Variants in TMPRSS15 observed in about 807,000 individuals in gnomAD.
TMPRSS15 encodes transmembrane serine protease 15.
Under a neutral mutation model 125.3 loss-of-function variants are expected in TMPRSS15, and 128 were observed. The ratio of observed to expected loss-of-function variants is 1.02; its 90% confidence interval spans 0.89 to 1.18. The LOEUF (loss-of-function observed/expected upper bound fraction) is 1.18. Among genes scored for constraint, TMPRSS15 ranks in the 50% most tolerant of loss-of-function variants. The pLI, the probability that TMPRSS15 is intolerant of heterozygous loss-of-function variation, is 0.00. For synonymous variants in TMPRSS15, 446 were observed against 423.2 expected, an observed-to-expected ratio of 1.05 and a Z score of -0.66; for missense variants, 1,283 against 1,212.7, an observed-to-expected ratio of 1.06 and a Z score of -0.86.
At chr21:18,475,485 A>G (rs910644) in intron 1 of TMPRSS15, among the ~76,000 whole-genome samples, 77,902 of 151,104 alleles carry the variant, frequency 0.52, 20,531 homozygotes, top group East Asian at 0.92. Flanking sequence ...CCAGCTACTC[A>G]GTAGTCCGAG....
chr21:18,297,909 T>C, intron 18 of TMPRSS15, 80 bp from the exon 19 acceptor site: 1 of 1,076,732 alleles, frequency 9.3e-7, no homozygotes, highest in African/African-American at 1.6e-5. Context: ...AGTTCCTTAA[T>C]GCTATGGACA....
At chr21:18,434,822 A>G (rs1292946954) in intron 1 of TMPRSS15, among the ~76,000 whole-genome samples, 1 of 87,516 alleles carries the variant, frequency 1.1e-5, no homozygotes, top group Non-Finnish European at 2.5e-5. Context: ...AAATACATTT[A>G]AAAACTCATA....
At chr21:18,303,008 CAT>C (rs1349821805) in intron 18 of TMPRSS15, among the ~76,000 whole-genome samples, 1 of 152,182 alleles carries the variant, frequency 6.6e-6, no homozygotes, top group Non-Finnish European at 1.5e-5. Context: ...TCTAAGTACA[CAT>C]GAGTGAAATT....
intron 1 of TMPRSS15, among the ~76,000 whole-genome samples, chr21:18,471,805 T>A (rs2123283668): frequency 6.6e-6 from 1 of 151,050 alleles, no homozygotes; most frequent in African/African-American, 2.4e-5. Context: ...AGTTAGAAAC[T>A]AAGAAATGGT....
intron 1 of TMPRSS15, among the ~76,000 whole-genome samples, chr21:18,422,560 C>T (rs921143447): frequency 5.9e-5 from 9 of 152,136 alleles, no homozygotes; most frequent in African/African-American, 1.9e-4. Flanking sequence ...ATTTTACATG[C>T]ATTTAGTTAT....
chr21:18,480,947 A>C (rs1183721723), intron 1 of TMPRSS15, among the ~76,000 whole-genome samples: 1 of 151,854 alleles, frequency 6.6e-6, no homozygotes, highest in African/African-American at 2.4e-5. Flanking sequence ...GCAAAAGGGA[A>C]CAACTTGTTC....
At chr21:18,396,160 T>C (rs1398727907) in intron 3 of TMPRSS15, among the ~76,000 whole-genome samples, 1 of 152,208 alleles carries the variant, frequency 6.6e-6, no homozygotes, top group Non-Finnish European at 1.5e-5. Context: ...TGTTCCAGAT[T>C]TACTGTCATC....
chr21:18,477,155 A>G lies in TMPRSS15; in HGVS notation c.10+8644T>C, dbSNP rs184718840. On this transcript the variant is annotated intron_variant, in intron 1 of 7. Transcript: ENST00000422787. ...CTATGGCAAGTTGTTAGAAATCCAA[A>G]TTTTCAGGTTCCAAACCAATCTTAC... Among the ~76,000 whole-genome samples the G allele has an allele frequency of 5.8e-4, 89 of 152,228 alleles. No individual in the cohort carries two copies. In the Middle Eastern group the frequency reaches 0.01, roughly 17 times the overall value.
chr21:18,410,525 A>G (rs2076163493), intron 1 of TMPRSS15, among the ~76,000 whole-genome samples: 1 of 151,992 alleles, frequency 6.6e-6, no homozygotes, highest in African/African-American at 2.4e-5. Context: ...CAAAATATTA[A>G]TGAAAATTAG....
chr21:18,446,606 A>T (rs1458588154), intron 1 of TMPRSS15, among the ~76,000 whole-genome samples: 1 of 152,196 alleles, frequency 6.6e-6, no homozygotes, highest in Non-Finnish European at 1.5e-5. Flanking sequence ...ACAGATACAT[A>T]GATCAATAGA....
At chr21:18,457,348 G>A (rs940990752) in intron 1 of TMPRSS15, among the ~76,000 whole-genome samples, 8 of 152,018 alleles carry the variant, frequency 5.3e-5, no homozygotes, top group Non-Finnish European at 7.4e-5. Context: ...TTGGAGACAC[G>A]TACGTTTCTC....
intron 1 of TMPRSS15, among the ~76,000 whole-genome samples, chr21:18,400,043 A>G (rs1207318435): frequency 2.0e-5 from 3 of 152,172 alleles, no homozygotes; most frequent in Non-Finnish European, 4.4e-5. Context: ...GAGACCTACA[A>G]GGATAACTAC....
intron 18 of TMPRSS15, among the ~76,000 whole-genome samples, chr21:18,311,533 A>G (rs946066959): frequency 7.9e-5 from 12 of 152,192 alleles, no homozygotes; most frequent in Non-Finnish European, 1.3e-4. Context: ...CAAAACCACA[A>G]TGAGATATCT....
chr21:18,398,434 T>C (rs927963539), intron 1 of TMPRSS15, 105 bp from the exon 2 acceptor site: 1 of 1,178,602 alleles, frequency 8.5e-7, no homozygotes, highest in African/African-American at 1.5e-5. Flanking sequence ...CCTGATGTGT[T>C]AGCTCTGTAG....
intron 8 of TMPRSS15, among the ~76,000 whole-genome samples, chr21:18,354,099 G>A (rs1016299840): frequency 2.0e-5 from 3 of 151,626 alleles, no homozygotes; most frequent in Admixed American, 6.6e-5. Context: ...TGATAAAAAA[G>A]GTATTTTTAA....
intron 1 of TMPRSS15, among the ~76,000 whole-genome samples, chr21:18,484,614 T>C (rs536791837): frequency 3.0e-4 from 46 of 151,948 alleles, no homozygotes; most frequent in Admixed American, 2.5e-3. Context: ...TTTATATATG[T>C]AGTGATCAGG....
intron 7 of TMPRSS15, among the ~76,000 whole-genome samples, chr21:18,361,611 A>G (rs961340358): frequency 1.3e-5 from 2 of 152,158 alleles, no homozygotes; most frequent in African/African-American, 4.8e-5. Flanking sequence ...GACATTCTTC[A>G]CAGAGTTAGT....
intron 1 of TMPRSS15, among the ~76,000 whole-genome samples, chr21:18,418,411 A>G (rs1373054703): frequency 6.6e-6 from 1 of 152,196 alleles, no homozygotes; most frequent in East Asian, 1.9e-4. Flanking sequence ...ACAATTTTAC[A>G]GCCACATACG....
At chr21:18,295,427 G>A (rs2074894167) in intron 19 of TMPRSS15, among the ~76,000 whole-genome samples, 1 of 152,034 alleles carries the variant, frequency 6.6e-6, no homozygotes, top group African/African-American at 2.4e-5. Flanking sequence ...TGCAGATATC[G>A]GCTACATTAA....
Sources: allele counts gnomAD v4.1 joint callset (sites outside exome capture counted in the v4.1 genomes callset), GRCh38; gene constraint gnomAD v4.1.1; transcripts MANE v1.5; gene names NCBI Gene and HGNC (gene_info 2026-07-23, HGNC 2026-07-21).